The following BIRC6 variants were observed in gnomAD, a reference collection of about 807,000 sequenced individuals.
BIRC6 encodes baculoviral IAP repeat containing 6.
Under a neutral mutation model 503.3 loss-of-function variants are expected in BIRC6, and 98 were observed. That is an observed-to-expected ratio of 0.19 (90% CI 0.17 to 0.23). BIRC6 has a LOEUF of 0.23. BIRC6 is among the 10% of genes least tolerant of loss of function. The pLI is 1.00. For missense variants in BIRC6, 5,360 were observed against 5,806.0 expected (o/e 0.92, Z 2.50); for synonymous variants, 2,240 against 2,078.7 (o/e 1.08, Z -2.11).
At chr2:32,518,112 C>T in intron 55 of BIRC6, 142 bp from the exon 56 acceptor site, 3 of 724,456 alleles carry the variant, frequency 4.1e-6, no homozygotes, top group Admixed American at 3.4e-5. Context: ...ACTACTAGAC[C>T]CCCAGAGACA....
At chr2:32,433,879 C>G (rs1286104632) in intron 13 of BIRC6, 75 bp downstream of exon 13, 1 of 1,281,282 alleles carries the variant, frequency 7.8e-7, no homozygotes, top group Admixed American at 2.3e-5. Context: ...TTCACCTTGG[C>G]TAAGTTTCGT....
chr2:32,601,202 C>A (rs957774517), intron 70 of BIRC6, among the ~76,000 whole-genome samples: 3 of 152,218 alleles, frequency 2.0e-5, no homozygotes, highest in African/African-American at 7.2e-5. Flanking sequence ...TAATCAACTA[C>A]CTGTTGAATG....
chr2:32,434,711 G>T (rs914845923), intron 13 of BIRC6, among the ~76,000 whole-genome samples: 4 of 151,968 alleles, frequency 2.6e-5, no homozygotes, highest in Non-Finnish European at 5.9e-5. Context: ...TTAGCTGGGT[G>T]TAGTGGTGCA....
chr2:32,359,294 A>T (rs985251129), intron 1 of BIRC6, among the ~76,000 whole-genome samples: 1 of 152,122 alleles, frequency 6.6e-6, no homozygotes, highest in African/African-American at 2.4e-5. Context: ...AGTGTTTTGG[A>T]TAGAAAGAGG....
intron 20 of BIRC6, among the ~76,000 whole-genome samples, chr2:32,444,611 C>T (rs1009726289): frequency 2.0e-5 from 3 of 152,208 alleles, no homozygotes; most frequent in Non-Finnish European, 2.9e-5. Context: ...TCAGGCTGGG[C>T]ACAGTGGCTC....
At chr2:32,479,726 C>A in intron 37 of BIRC6, 109 bp downstream of exon 37, 1 of 1,019,548 alleles carries the variant, frequency 9.8e-7, no homozygotes, top group Non-Finnish European at 1.4e-6. Flanking sequence ...TCTATTAGTT[C>A]TTTGGCCTTA....
chr2:32,547,755 A>T, intron 63 of BIRC6, 95 bp from the exon 64 acceptor site: 1 of 1,156,572 alleles, frequency 8.6e-7, no homozygotes, highest in Non-Finnish European at 1.2e-6. Flanking sequence ...ACTGTTTTCC[A>T]TAGTAGCTTC....
At chr2:32,567,545 G>A (rs753284071) in intron 65 of BIRC6, among the ~76,000 whole-genome samples, 5 of 152,212 alleles carry the variant, frequency 3.3e-5, no homozygotes, top group East Asian at 1.9e-4. Context: ...TTTAGATAGC[G>A]TGTGGCCAGT....
intron 72 of BIRC6, among the ~76,000 whole-genome samples, chr2:32,609,862 T>G (rs907613211): frequency 6.6e-6 from 1 of 152,098 alleles, no homozygotes; most frequent in African/African-American, 2.4e-5. Context: ...ATATGTATAA[T>G]TTGAGACAAT....
chr2:32,613,725 C>T (rs535194960), intron 73 of BIRC6, among the ~76,000 whole-genome samples: 1 of 152,300 alleles, frequency 6.6e-6, no homozygotes, highest in South Asian at 2.1e-4. Context: ...TTAAAACACT[C>T]ATAACATTTG....
intron 59 of BIRC6, chr2:32,528,957 AG>A (rs1176606521): frequency 6.6e-6 from 1 of 151,846 alleles, no homozygotes; most frequent in Non-Finnish European, 1.5e-5. Context: ...TGCAAAAAAA[AG>A]AAAAAAAAAG....
Position 32,467,744 on chromosome 2 carries a change from A to G in BIRC6, c.5571+5A>G. Reference sequence around the variant, plus strand: ...CCCGTGTGCAGATTCATGAAGGTAAAGAACTTTAAGAAAGTAAATTGATAC... The same window carrying G: ...CCCGTGTGCAGATTCATGAAGGTAAGGAACTTTAAGAAAGTAAATTGATAC... On this transcript the variant is annotated splice_donor_5th_base_variant and intron_variant, in intron 27 of 73. Transcript: ENST00000421745. The G allele has an allele frequency of 6.2e-7, 1 of 1,605,752 alleles. No homozygotes were observed. The highest frequency in any genetic ancestry group is 8.5e-7 in the Non-Finnish European group (1 of 1,175,056).
chr2:32,538,072 C>T (rs1246721215), intron 61 of BIRC6, among the ~76,000 whole-genome samples: 1 of 152,006 alleles, frequency 6.6e-6, no homozygotes, highest in Non-Finnish European at 1.5e-5. Flanking sequence ...AGAATCAATT[C>T]AGTAATATTA....
intron 6 of BIRC6, among the ~76,000 whole-genome samples, chr2:32,400,874 T>C (rs568721315): frequency 3.1e-4 from 47 of 152,306 alleles, no homozygotes; most frequent in Admixed American, 1.0e-3. Context: ...GTATGTAATA[T>C]AGCATTGTAT....
Position 32,515,192 on chromosome 2 carries a change from T to A in BIRC6, c.10771T>A (p.Ser3591Thr). ...TAGCAAAAAGCAGGATCTTAGTTCA[T>A]CTTTAACAGATGACTCTAAAAATGC... ...DDSKKQDLSS[S>T]LTDDSKNAQA... is the part of the protein sequence containing the mutation. Residue 3591 changes from serine (S) to threonine (T), a missense_variant, in exon 55 of 74, where the codon TCT becomes ACT. Ser to Thr is a moderately conservative substitution (Grantham distance 58, BLOSUM62 1). This residue lies in a region of BIRC6 where 878 missense variants were observed against 928.9 expected (regional missense o/e 0.95). Transcript: ENST00000421745. The A allele has an allele frequency of 6.2e-7, 1 of 1,613,940 alleles. No homozygotes were observed. The highest frequency in any genetic ancestry group is 2.2e-5 in the East Asian group (1 of 44,878).
chr2:32,409,991 A>G (rs186811188), intron 9 of BIRC6, among the ~76,000 whole-genome samples: 99 of 152,346 alleles, frequency 6.5e-4, no homozygotes, highest in African/African-American at 2.3e-3. Context: ...GCAAAGTAAT[A>G]ATGCCACTTG....
chr2:32,397,649 CACACATATATGTGT>C, intron 6 of BIRC6, among the ~76,000 whole-genome samples: 1 of 144,368 alleles, frequency 6.9e-6, no homozygotes, highest in African/African-American at 2.6e-5. Flanking sequence ...TACACACACA[CACACATATATGTGT>C]ATATATATAT....
At chr2:32,414,248 G>T (rs778869811) in intron 9 of BIRC6, among the ~76,000 whole-genome samples, 2 of 152,174 alleles carry the variant, frequency 1.3e-5, no homozygotes, top group Non-Finnish European at 2.9e-5. Context: ...TTGCACTCCA[G>T]CCTAGGCAAC....
rs757030752 is a variant in BIRC6, at chr2:32,388,930, C to T, written c.826C>T (p.Arg276Cys). 5 of 1,590,682 alleles carry T rather than the reference C, an allele frequency of 3.1e-6. No individual in the cohort carries two copies. Among genetic ancestry groups the T allele is most frequent in the South Asian group, 1.1e-5 (1 of 87,234 alleles). The change falls in exon 4 of 74, where the codon CGT becomes TGT. Residue 276 changes from arginine to cysteine, a missense_variant. Arg to Cys is a radical substitution (Grantham distance 180). Coordinates refer to ENST00000421745, the MANE Select transcript of BIRC6 (RefSeq NM_016252.4). Reference sequence around the variant, plus strand: ...TCCAGAACTCGGAGTGGGGCCAGGCCGTTCTGTAGACAGGTATGAACCTTG... The same window carrying T: ...TCCAGAACTCGGAGTGGGGCCAGGCTGTTCTGTAGACAGGTATGAACCTTG... The part of the protein sequence containing the change: ...ARPELGVGPG[R>C]SVDRSLMYSE...
Sources: gnomAD v4.1 joint callset for allele counts (sites outside exome capture counted in the v4.1 genomes callset) on GRCh38, gnomAD v4.1.1 for gene constraint, gnomAD v4.1.1 regional missense constraint, MANE v1.5 for transcripts, NCBI Gene and HGNC (gene_info 2026-07-23, HGNC 2026-07-21) for gene names.